STK3: variants seen among roughly 807,000 people sequenced by gnomAD.
The protein encoded by STK3 is serine/threonine kinase 3, also known as serine/threonine-protein kinase 3.
In STK3, 41 loss-of-function variants were observed where a neutral mutation model predicts 58.0. That is an observed-to-expected ratio of 0.71 (90% CI 0.55 to 0.92). The LOEUF is 0.92. Ranked by LOEUF, STK3 falls within the 40% of genes least tolerant of loss-of-function variation. The pLI, the probability that STK3 is intolerant of heterozygous loss-of-function variation, is 0.00. For synonymous variants in STK3, 170 were observed against 191.0 expected (o/e 0.89, Z 0.91); for missense variants, 479 against 602.7 (o/e 0.79, Z 2.15).
rs140816058 is a variant in STK3, at chr8:98,768,548, G to A, written c.108-1177C>T. Reference sequence around the variant, plus strand: ...CAAAGTCACATTGGGCTGGGTGTGGGGGAATGTATGTGTGTGTATCTCCCC... The same window carrying A: ...CAAAGTCACATTGGGCTGGGTGTGGAGGAATGTATGTGTGTGTATCTCCCC... On this transcript the variant is annotated intron_variant, in intron 2 of 10. Transcript: ENST00000419617. 8.6e-3 allele frequency among the ~76,000 whole-genome samples: 1,313 copies of A among 152,238 alleles called. 10 individuals are homozygous for A. Among genetic ancestry groups the A allele is most frequent in the African/African-American group, 0.03 (1,237 of 41,524 alleles).
rs571196830 is a variant in STK3 at position 98,761,723 on chromosome 8, C to G, written c.236+5520G>C. On this transcript the variant is annotated intron_variant, in intron 3 of 10. Transcript: ENST00000419617. ...ACAGCAATTTATTTCTTGGCCCACC[C>G]AAAACTGAATATACAAATTGCCAAA... Among the ~76,000 whole-genome samples, 134 of 152,280 alleles carry G rather than the reference C, an allele frequency of 8.8e-4. 2 individuals are homozygous for G. Among genetic ancestry groups the G allele is most frequent in the African/African-American group, 3.1e-3 (130 of 41,570 alleles).
Position 98,579,852 on chromosome 8 carries a change from G to T in STK3, c.823-63C>A. On this transcript the variant is annotated intron_variant, in intron 7 of 10. Coordinates refer to ENST00000419617, the MANE Select transcript of STK3 (RefSeq NM_006281.4). ...TTTTTCCGAATTATAGCTAACAAATGTTAAAACAACATGTAAATGTTAACC... is the reference window on the plus strand; with the variant it reads ...TTTTTCCGAATTATAGCTAACAAATTTTAAAACAACATGTAAATGTTAACC... 2.9e-6 allele frequency: 4 copies of T among 1,397,192 alleles called. No homozygotes were observed. The East Asian group carries it at 7.6e-5, about 27-fold the overall frequency. The allele number at this position is 1,397,192 out of a possible 1,614,324, so 86.5% of individuals were successfully genotyped here.
At chr8:98,578,460 T>G (rs111907942) in intron 8 of STK3, among the ~76,000 whole-genome samples, 64 of 152,334 alleles carry the variant, frequency 4.2e-4, no homozygotes, top group African/African-American at 1.3e-3. Context: ...GCTGCATATC[T>G]AAAGAACATG....
chr8:98,375,102 A>G (rs1429113901), intron 2 of STK3, among the ~76,000 whole-genome samples: 1 of 151,528 alleles, frequency 6.6e-6, no homozygotes, highest in African/African-American at 2.4e-5. Flanking sequence ...AAAAAAAAAA[A>G]CTATTAGCCA....
intron 10 of STK3, among the ~76,000 whole-genome samples, chr8:98,459,987 C>G (rs969967012): frequency 1.3e-4 from 20 of 152,230 alleles, no homozygotes; most frequent in Non-Finnish European, 2.1e-4. Context: ...CACTGGGGTG[C>G]TCCCTAGTGG....
At chr8:98,493,046 C>CA (rs1254201853) in intron 10 of STK3, among the ~76,000 whole-genome samples, 1 of 151,604 alleles carries the variant, frequency 6.6e-6, no homozygotes, top group Admixed American at 6.6e-5. Context: ...GCCTGGGTAA[C>CA]ATAGTGAGAC....
intron 3 of STK3, among the ~76,000 whole-genome samples, chr8:98,423,867 G>A (rs553107525): frequency 6.6e-6 from 1 of 152,282 alleles, no homozygotes; most frequent in East Asian, 1.9e-4. Context: ...TCGGCCAGGT[G>A]CAAGGATCTG....
chr8:98,877,963 C>T (rs1029113192), intron 3 of STK3, among the ~76,000 whole-genome samples: 2 of 152,048 alleles, frequency 1.3e-5, no homozygotes, highest in Non-Finnish European at 2.9e-5. Context: ...AAGAAACCGG[C>T]CCCAGAGTTT....
In STK3 at chr8:98,487,831, G is replaced by C. The variant is rs546585587; in HGVS notation, c.1318-31831C>G. On this transcript the variant is annotated intron_variant, in intron 10 of 10. Transcript: ENST00000419617. ...GGGAATAAGCTCCGGAATTAGATGGGCCTGGATGTGAATCTCAGCTTCAAC... is the reference window on the plus strand; with the variant it reads ...GGGAATAAGCTCCGGAATTAGATGGCCCTGGATGTGAATCTCAGCTTCAAC... Among the ~76,000 whole-genome samples, 10 of 152,278 alleles carry C rather than the reference G, an allele frequency of 6.6e-5. No individual in the cohort carries two copies. In the East Asian group the frequency reaches 1.7e-3, roughly 26 times the overall value.
intron 4 of STK3, among the ~76,000 whole-genome samples, chr8:98,722,268 A>G (rs1563930045): frequency 6.6e-6 from 1 of 152,224 alleles, no homozygotes; most frequent in Non-Finnish European, 1.5e-5. Flanking sequence ...GCGATAGTCC[A>G]AATTTCAGCC....
At position 98,413,781 on chromosome 8, in the gene STK3, C is replaced by A. The variant is rs77492403; in HGVS notation, n.484-12268G>T. 9.5e-3 allele frequency: 6,155 copies of A among 648,900 alleles called. 65 individuals are homozygous for A. The highest frequency in any genetic ancestry group is 0.013 in the Non-Finnish European group (4,466 of 340,190). 40.2% of individuals were successfully genotyped at this position (648,900 alleles called of 1,614,324 possible). On this transcript the variant is annotated intron_variant and non_coding_transcript_variant, in intron 3 of 3. Transcript: ENST00000517832. Reference sequence around the variant, plus strand: ...CCCATGAGAGGAAGCCCATCGTCATCCATCTTCTCCGAGGGTGGGGGCCTC... The same window carrying A: ...CCCATGAGAGGAAGCCCATCGTCATACATCTTCTCCGAGGGTGGGGGCCTC...
chr8:98,869,664 A>G (rs1020907304), intron 3 of STK3, among the ~76,000 whole-genome samples: 1 of 151,974 alleles, frequency 6.6e-6, no homozygotes, highest in Non-Finnish European at 1.5e-5. Context: ...TCCCCTAGAG[A>G]CTTCAAAGTG....
chr8:98,926,557 GCA>G (rs566913625), intron 1 of STK3, among the ~76,000 whole-genome samples: 2 of 150,718 alleles, frequency 1.3e-5, no homozygotes, highest in South Asian at 2.1e-4. Flanking sequence ...ACACACACAT[GCA>G]CACACACACA....
chr8:98,691,825 G>A (rs1238882679), intron 6 of STK3, among the ~76,000 whole-genome samples: 1 of 151,668 alleles, frequency 6.6e-6, no homozygotes, highest in East Asian at 1.9e-4. Flanking sequence ...CCAGCTACTC[G>A]GGAGGCTGAG....
chr8:98,370,417 C>T (rs1189395147), downstream of STK3, among the ~76,000 whole-genome samples: 1 of 148,978 alleles, frequency 6.7e-6, no homozygotes, highest in African/African-American at 2.5e-5. Flanking sequence ...AACACTGATC[C>T]CAAGCTTCAG....
chr8:98,619,268 A>G (rs1241376122), intron 6 of STK3, among the ~76,000 whole-genome samples: 1 of 151,138 alleles, frequency 6.6e-6, no homozygotes, highest in Non-Finnish European at 1.5e-5. Context: ...CCATATGTAG[A>G]AAGCTGAAAC....
intron 1 of STK3, among the ~76,000 whole-genome samples, chr8:98,384,448 T>C (rs986220662): frequency 6.6e-6 from 1 of 152,252 alleles, no homozygotes; most frequent in African/African-American, 2.4e-5. Flanking sequence ...TGTTCAATTA[T>C]TTATTCAACT....
chr8:98,669,205 C>G (rs1361923983), intron 6 of STK3, among the ~76,000 whole-genome samples: 1 of 152,064 alleles, frequency 6.6e-6, no homozygotes, highest in African/African-American at 2.4e-5. Flanking sequence ...TCATATTGAT[C>G]AGGCTGGTCT....
At chr8:98,538,591 T>A (rs1198924841) in intron 9 of STK3, among the ~76,000 whole-genome samples, 1 of 152,098 alleles carries the variant, frequency 6.6e-6, no homozygotes, top group Non-Finnish European at 1.5e-5. Context: ...CCCAAAGATT[T>A]TAGTTAAATA....
Sources: allele counts gnomAD v4.1 joint callset (sites outside exome capture counted in the v4.1 genomes callset), GRCh38; gene constraint gnomAD v4.1.1; transcripts MANE v1.5; gene names NCBI Gene and HGNC (gene_info 2026-07-23, HGNC 2026-07-21).